Variants in RPS28 observed in about 807,000 individuals in gnomAD.
RPS28 encodes the protein small ribosomal subunit protein eS28.
A neutral mutation model predicts 9.4 loss-of-function variants in RPS28; 2 were observed. The ratio of observed to expected loss-of-function variants is 0.21; its 90% confidence interval spans 0.09 to 0.67. The LOEUF is 0.67. RPS28 is among the 30% of genes least tolerant of loss of function. The pLI, the probability that RPS28 is intolerant of heterozygous loss-of-function variation, is 0.82. For synonymous variants in RPS28, 41 were observed against 37.8 expected, an observed-to-expected ratio of 1.08 and a Z score of -0.31; for missense variants, 35 against 95.3, an observed-to-expected ratio of 0.37 and a Z score of 2.63.
rs1467209318 is a variant in RPS28 at position 8,322,379 on chromosome 19, G to C, written c.*124G>C. 1 of 584,670 alleles carries C rather than the reference G, an allele frequency of 1.7e-6. No individual in the cohort carries two copies. The highest frequency in any genetic ancestry group is 3.8e-5 in the East Asian group (1 of 26,248). 36.2% of individuals were successfully genotyped at this position (584,670 alleles called of 1,614,324 possible). On this transcript the variant is annotated 3_prime_UTR_variant, in exon 4 of 4. Transcript: ENST00000600659. The stretch of plus-strand genomic sequence containing the variant: ...ACTGAGATGCTCCTTTAAATAAAGC[G>C]TTTGTGTTTCAAGTTAACTCAGGTT...
rs1256122300 is a variant in RPS28 at position 8,322,299 on chromosome 19, G to T, written c.*44G>T. On this transcript the variant is annotated 3_prime_UTR_variant, in exon 4 of 4. Transcript: ENST00000600659. ...TCTTGGATGTCGGGTTCGACCACTT[G>T]GCCGATGGGAATGGTCTGTCACAGT... 6 of 691,160 alleles carry T rather than the reference G, an allele frequency of 8.7e-6. No homozygotes were observed. In the Admixed American group the frequency reaches 1.0e-4, roughly 12 times the overall value. 42.8% of individuals were successfully genotyped at this position (691,160 alleles called of 1,614,324 possible).
Position 8,321,625 on chromosome 19 carries a change from G to A in RPS28, c.40-31G>A, listed in dbSNP as rs1970316871. ...GGGAGGGATTAGAGGAGCCAAACGG[G>A]CCGGGTCTGAACCCAGCTTCTTTCC... is the stretch of plus-strand genomic sequence containing the variant. On this transcript the variant is annotated intron_variant, in intron 1 of 3. Coordinates refer to ENST00000600659, the MANE Select transcript of RPS28 (RefSeq NM_001031.5). 2.6e-6 allele frequency: 4 copies of A among 1,560,420 alleles called. No individual in the cohort carries two copies. The East Asian group carries it at 9.1e-5, about 35-fold the overall frequency.
Position 8,321,994 on chromosome 19 carries a change from C to T in RPS28, c.129C>T (p.Ile43=), listed in dbSNP as rs1970324947. 3 of 1,613,156 alleles carry T rather than the reference C, an allele frequency of 1.9e-6. No individual in the cohort carries two copies. Among genetic ancestry groups the T allele is most frequent in the Admixed American group, 1.7e-5 (1 of 59,900 alleles). ...EFMDDTSRSI[I]RNVKGPVREG... Reference sequence around the variant, plus strand: ...TGGACGACACGAGCCGATCCATCATCCGCAATGTAAAAGGCCCCGTGCGCG... The same window carrying T: ...TGGACGACACGAGCCGATCCATCATTCGCAATGTAAAAGGCCCCGTGCGCG... The change falls in exon 3 of 4, where the codon ATC becomes ATT. Residue 43 remains isoleucine, a synonymous_variant. Transcript: ENST00000600659.
rs775205855 is a variant in RPS28, at chr19:8,322,884, A to T, written c.*629A>T. The T allele has an allele frequency of 6.3e-7, 1 of 1,576,560 alleles. No individual in the cohort carries two copies. Among genetic ancestry groups the T allele is most frequent in the Non-Finnish European group, 8.6e-7 (1 of 1,161,174 alleles). ...CTCCATTGTCACCGCATTCTCCTTC[A>T]CCAGGTGTGGCTGTCTGGGAGCCAG... On this transcript the variant is annotated 3_prime_UTR_variant, in exon 4 of 4. Transcript: ENST00000600659.
chr19:8,322,184 TCTACATA>T, intron 3 of RPS28, 81 bp from the exon 4 acceptor site: 1 of 1,376,644 alleles, frequency 7.3e-7, no homozygotes, highest in African/African-American at 1.4e-5. Context: ...GGAGGCAGAG[TCTACATA>T]CAGAGACTGA....
In RPS28 at chr19:8,322,837, G is replaced by T. The variant is rs773608972; in HGVS notation, c.*582G>T. 2 of 1,604,482 alleles carry T rather than the reference G, an allele frequency of 1.2e-6. No homozygotes were observed. The highest frequency in any genetic ancestry group is 2.2e-5 in the South Asian group (2 of 90,080). On this transcript the variant is annotated 3_prime_UTR_variant, in exon 4 of 4. Transcript: ENST00000600659. ...TAGGTGTAGTGAGCCAGACGAGGCA[G>T]CTTACTGAACCTGGGGGTTCTCTCC...
Position 8,321,958 on chromosome 19 carries a change from C to T in RPS28, c.93C>T (p.Arg31=), listed in dbSNP as rs1599636022. 14 of 1,610,670 alleles carry T rather than the reference C, an allele frequency of 8.7e-6. No individual in the cohort carries two copies. Among genetic ancestry groups the T allele is most frequent in the African/African-American group, 1.3e-5 (1 of 74,822 alleles). The change falls in exon 3 of 4, where the codon CGC becomes CGT. Residue 31 remains arginine, a synonymous_variant. Coordinates refer to ENST00000600659, the MANE Select transcript of RPS28 (RefSeq NM_001031.5). ...TGSQGQCTQV[R]VEFMDDTSRS... is the part of the protein sequence containing the mutation. ...ACTCCGGTGGGGACCCGTAGGTGCGCGTGGAATTCATGGACGACACGAGCC... is the reference window on the plus strand; with the variant it reads ...ACTCCGGTGGGGACCCGTAGGTGCGTGTGGAATTCATGGACGACACGAGCC...
At position 8,322,853 on chromosome 19, in the gene RPS28, G is replaced by A; in HGVS notation, c.*598G>A. On this transcript the variant is annotated 3_prime_UTR_variant, in exon 4 of 4. Transcript: ENST00000600659. ...GACGAGGCAGCTTACTGAACCTGGG[G>A]GTTCTCTCCATTGTCACCGCATTCT... The A allele has an allele frequency of 1.9e-6, 3 of 1,602,236 alleles. No individual in the cohort carries two copies. Among genetic ancestry groups the A allele is most frequent in the Non-Finnish European group, 2.6e-6 (3 of 1,174,510 alleles).
chr19:8,321,691 A>G lies in RPS28; in HGVS notation c.75A>G (p.Gly25=), dbSNP rs1970318194. ...TCCTGGGCAGGACCGGTTCTCAGGG[A>G]CAGTGCACGCAGGTAATCGGGTGGG... ...TKVLGRTGSQ[G]QCTQVRVEFM... is the part of the protein sequence containing the mutation. Residue 25 remains glycine (G), a synonymous_variant, in exon 2 of 4, where the codon GGA becomes GGG. Transcript: ENST00000600659. The G allele has an allele frequency of 1.3e-6, 2 of 1,565,902 alleles. No homozygotes were observed. The highest frequency in any genetic ancestry group is 1.4e-5 in the African/African-American group (1 of 73,758).
Position 8,322,849 on chromosome 19 carries a change from T to C in RPS28, c.*594T>C. 1 of 1,602,418 alleles carries C rather than the reference T, an allele frequency of 6.2e-7. No individual in the cohort carries two copies. ...GCCAGACGAGGCAGCTTACTGAACC[T>C]GGGGGTTCTCTCCATTGTCACCGCA... On this transcript the variant is annotated 3_prime_UTR_variant, in exon 4 of 4. Transcript: ENST00000600659.
At position 8,322,622 on chromosome 19, in the gene RPS28, T is replaced by C. The variant is rs1172960223; in HGVS notation, c.*367T>C. 3 of 585,054 alleles carry C rather than the reference T, an allele frequency of 5.1e-6. No homozygotes were observed. The highest frequency in any genetic ancestry group is 3.8e-5 in the African/African-American group (2 of 52,824). 36.2% of individuals were successfully genotyped at this position (585,054 alleles called of 1,614,324 possible). ...TTATTAGCAAAGAAGTTTCAGAGAG[T>C]GGGTGGATCAGGGCTCTATCACTTG... On this transcript the variant is annotated 3_prime_UTR_variant, in exon 4 of 4. Transcript: ENST00000600659.
At chr19:8,321,858 C>T (rs946618681) in intron 2 of RPS28, 95 bp from the exon 3 acceptor site, 41 of 1,547,490 alleles carry the variant, frequency 2.6e-5, no homozygotes, top group Non-Finnish European at 3.4e-5. Context: ...ATTCTGGCCC[C>T]GACACGTTCT....
intron 1 of RPS28, 39 bp downstream of exon 1, chr19:8,321,608 T>C: frequency 1.3e-6 from 2 of 1,564,714 alleles, no homozygotes; most frequent in South Asian, 2.4e-5. Flanking sequence ...GGGGGAGGGA[T>C]TAGAGGAGCC....
At chr19:8,321,763 C>T (rs1970319654) in intron 2 of RPS28, 60 bp downstream of exon 2, 2 of 1,528,684 alleles carry the variant, frequency 1.3e-6, no homozygotes, top group African/African-American at 2.7e-5. Flanking sequence ...GTGACCTCTA[C>T]CCTGCCCTAA....
chr19:8,322,173 G>A (rs1970328095), intron 3 of RPS28, 82 bp downstream of exon 3: 2 of 1,466,932 alleles, frequency 1.4e-6, no homozygotes, highest in Admixed American at 3.8e-5. Flanking sequence ...GAGAGGGTTT[G>A]GGAGGCAGAG....
At position 8,322,535 on chromosome 19, in the gene RPS28, G is replaced by A; in HGVS notation, c.*280G>A. On this transcript the variant is annotated 3_prime_UTR_variant, in exon 4 of 4. Transcript: ENST00000600659. The stretch of plus-strand genomic sequence containing the variant: ...ACGAAGCTTTTCCTTTTTGAGGCGG[G>A]GGGTCGTGTTTGTCGATTGCACCCT... 2.0e-6 allele frequency: 1 copy of A among 496,880 alleles called. No individual in the cohort carries two copies. Among genetic ancestry groups the A allele is most frequent in the South Asian group, 2.0e-5 (1 of 50,366 alleles). 30.8% of individuals were successfully genotyped at this position (496,880 alleles called of 1,614,324 possible).
In RPS28 at chr19:8,322,760, C is replaced by A; in HGVS notation, c.*505C>A. On this transcript the variant is annotated 3_prime_UTR_variant, in exon 4 of 4. Transcript: ENST00000600659. ...TAGCCTCTGAGCAGGGGACCCTGGA[C>A]CCTTCTGTGCGCCAAAGGCTGAGGT... is the stretch of plus-strand genomic sequence containing the variant. 1 of 1,100,084 alleles carries A rather than the reference C, an allele frequency of 9.1e-7. No homozygotes were observed. Among genetic ancestry groups the A allele is most frequent in the Non-Finnish European group, 1.4e-6 (1 of 738,156 alleles). The allele number at this position is 1,100,084 out of a possible 1,614,324, so 68.1% of individuals were successfully genotyped here.
Position 8,322,725 on chromosome 19 carries a change from C to T in RPS28, c.*470C>T. On this transcript the variant is annotated 3_prime_UTR_variant, in exon 4 of 4. Transcript: ENST00000600659. ...CCCCAACTGAAATTGCCTTTCTCTT[C>T]GGCCAGTGTTAGCCTCTGAGCAGGG... is the stretch of plus-strand genomic sequence containing the variant. 1 of 759,678 alleles carries T rather than the reference C, an allele frequency of 1.3e-6. No homozygotes were observed. The highest frequency in any genetic ancestry group is 1.8e-5 in the South Asian group (1 of 55,324). The allele number at this position is 759,678 out of a possible 1,614,324, so 47.1% of individuals were successfully genotyped here.
Position 8,322,765 on chromosome 19 carries a change from C to A in RPS28, c.*510C>A. 8.5e-7 allele frequency: 1 copy of A among 1,174,968 alleles called. No homozygotes were observed. Among genetic ancestry groups the A allele is most frequent in the Non-Finnish European group, 1.2e-6 (1 of 801,386 alleles). 72.8% of individuals were successfully genotyped at this position (1,174,968 alleles called of 1,614,324 possible). A position where few individuals can be genotyped will look rare whatever the true frequency, so the allele number is the denominator to read the frequency against. ...TCTGAGCAGGGGACCCTGGACCCTT[C>A]TGTGCGCCAAAGGCTGAGGTGACTG... On this transcript the variant is annotated 3_prime_UTR_variant, in exon 4 of 4. Transcript: ENST00000600659.
Sources: gnomAD v4.1 joint callset for allele counts on GRCh38, gnomAD v4.1.1 for gene constraint, MANE v1.5 for transcripts, NCBI Gene and HGNC (gene_info 2026-07-23, HGNC 2026-07-21) for gene names.